The following COL4A1 variants were observed in gnomAD, a reference collection of about 807,000 sequenced individuals.
COL4A1 encodes collagen type IV alpha 1 chain, also known as collagen alpha-1(IV) chain.
COL4A1 carries 40 observed loss-of-function variants against 216.6 expected under a neutral mutation model. The observed-to-expected ratio is 0.18, with a 90% CI of 0.14 to 0.24. The LOEUF is 0.24. COL4A1 is among the 10% of genes least tolerant of loss of function. The pLI, the probability that COL4A1 is intolerant of heterozygous loss-of-function variation, is 1.00. For missense variants in COL4A1, 1,628 were observed against 2,196.8 expected, an observed-to-expected ratio of 0.74 and a Z score of 5.18; for synonymous variants, 839 against 810.7, an observed-to-expected ratio of 1.03 and a Z score of -0.59.
At chr13:110,182,269 A>G (rs957066488) in intron 28 of COL4A1, among the ~76,000 whole-genome samples, 8 of 152,146 alleles carry the variant, frequency 5.3e-5, no homozygotes, top group African/African-American at 1.9e-4. Flanking sequence ...TCTCCAAGCT[A>G]GCAGCCTACA....
At chr13:110,174,091 G>C (rs527269308) in intron 39 of COL4A1, 93 bp from the exon 40 acceptor site, 2 of 1,373,520 alleles carry the variant, frequency 1.5e-6, no homozygotes, top group Admixed American at 3.7e-5. Context: ...TCCTTTAAGG[G>C]AGCTGTTCCC....
intron 1 of COL4A1, among the ~76,000 whole-genome samples, chr13:110,272,021 G>A (rs765376055): frequency 6.6e-5 from 10 of 152,082 alleles, no homozygotes; most frequent in Non-Finnish European, 1.0e-4. Flanking sequence ...ATATTCAAGG[G>A]GTAAGATCAG....
At chr13:110,165,077 T>C in intron 45 of COL4A1, 87 bp from the exon 46 acceptor site, 1 of 1,547,846 alleles carries the variant, frequency 6.5e-7, no homozygotes, top group Non-Finnish European at 8.7e-7. Context: ...CGGGTGAAGC[T>C]ATCCAAATGG....
chr13:110,258,339 A>C (rs1594097745), intron 1 of COL4A1, among the ~76,000 whole-genome samples: 1 of 152,176 alleles, frequency 6.6e-6, no homozygotes, highest in Non-Finnish European at 1.5e-5. Context: ...GGAGTTCGAG[A>C]CCAGCCTGGC....
intron 43 of COL4A1, 134 bp downstream of exon 43, chr13:110,169,495 G>A (rs1036166096): frequency 1.3e-5 from 15 of 1,133,838 alleles, no homozygotes; most frequent in African/African-American, 2.2e-5. Flanking sequence ...ATGTGGGAGT[G>A]TAACACACAC....
chr13:110,270,356 AGAG>A (rs71800844), intron 1 of COL4A1, among the ~76,000 whole-genome samples: 4,782 of 152,324 alleles, frequency 0.031, 207 homozygotes, highest in East Asian at 0.22. Context: ...CATCTAATTA[AGAG>A]GAGAATTATT....
intron 2 of COL4A1, among the ~76,000 whole-genome samples, chr13:110,220,134 C>T (rs1453261506): frequency 1.3e-5 from 2 of 151,942 alleles, no homozygotes; most frequent in East Asian, 3.9e-4. Context: ...GACGGGGTTT[C>T]GCCATGTTGG....
At position 110,176,707 on chromosome 13, in the gene COL4A1, C is replaced by T; in HGVS notation, c.2887G>A (p.Gly963Ser). 6.2e-7 allele frequency: 1 copy of T among 1,614,134 alleles called. No homozygotes were observed. Among genetic ancestry groups the T allele is most frequent in the Non-Finnish European group, 8.5e-7 (1 of 1,179,972 alleles). ...GGGTCTCCTCGGGATCCCTTCTCAC[C>T]AATTGGTCCAATTTGTCCTACACAT... ...QGEKGQIGPIGEKGSRGDPGT... is the reference protein window; with the variant it reads ...QGEKGQIGPISEKGSRGDPGT... Residue 963 changes from glycine to serine, a missense_variant, in exon 35 of 52, where the codon GGT becomes AGT. Gly to Ser is a moderately conservative substitution (Grantham distance 56). Coordinates refer to ENST00000375820, the MANE Select transcript of COL4A1 (RefSeq NM_001845.6).
intron 1 of COL4A1, among the ~76,000 whole-genome samples, chr13:110,290,448 T>G (rs1187947427): frequency 6.6e-6 from 1 of 152,210 alleles, no homozygotes; most frequent in African/African-American, 2.4e-5. Context: ...CCACCATGCT[T>G]ACACTACACT....
rs374218206 is a variant in COL4A1 at position 110,174,558 on chromosome 13, A to G, written c.3326-32T>C. ...AAAAAAACAAAACACCAGAACATCC[A>G]TAAGTTTGGGCTTTTCTTTGATTTC... On this transcript the variant is annotated intron_variant, in intron 38 of 51. Transcript: ENST00000375820. 1.5e-5 allele frequency: 25 copies of G among 1,614,150 alleles called. No homozygotes were observed. In the African/African-American group the frequency reaches 2.4e-4, roughly 15 times the overall value.
intron 1 of COL4A1, among the ~76,000 whole-genome samples, chr13:110,253,785 G>A (rs548906856): frequency 7.3e-4 from 55 of 74,928 alleles, no homozygotes; most frequent in African/African-American, 2.1e-3. Context: ...TTATATATAC[G>A]TATAATTATA....
At chr13:110,276,796 G>A (rs1594110605) in intron 1 of COL4A1, among the ~76,000 whole-genome samples, 1 of 152,308 alleles carries the variant, frequency 6.6e-6, no homozygotes, top group South Asian at 2.1e-4. Context: ...AAACTCTGCA[G>A]TATAAAGATA....
Position 110,307,017 on chromosome 13 carries a change from C to A in COL4A1, c.11G>T (p.Arg4Leu). 1 of 1,467,562 alleles carries A rather than the reference C, an allele frequency of 6.8e-7. No homozygotes were observed. Among genetic ancestry groups the A allele is most frequent in the Admixed American group, 2.4e-5 (1 of 42,324 alleles). 90.9% of individuals were successfully genotyped at this position (1,467,562 alleles called of 1,614,324 possible). A position where few individuals can be genotyped will look rare whatever the true frequency, so the allele number is the denominator to read the frequency against. Residue 4 changes from arginine to leucine, a missense_variant, in exon 1 of 52, where the codon CGG becomes CTG. Physicochemically the swap from Arg to Leu is moderately radical, Grantham distance 102. Around this residue, in one of 8 missense-constraint regions of COL4A1, gnomAD observed 74 missense variants for 61.7 expected, o/e 1.20. Transcript: ENST00000375820. The surrounding 1 kb of genome is among the most constrained non-coding windows in gnomAD (Gnocchi z 5.0). ...CAGCAGCAGCAGCCAGACGCTGAGCCGGGGCCCCATGGTGGCGCGCCCGAG... is the reference window on the plus strand; with the variant it reads ...CAGCAGCAGCAGCCAGACGCTGAGCAGGGGCCCCATGGTGGCGCGCCCGAG... MGP[R>L]LSVWLLLLPA...
At chr13:110,278,556 CAT>C (rs1223633215) in intron 1 of COL4A1, among the ~76,000 whole-genome samples, 4 of 152,128 alleles carry the variant, frequency 2.6e-5, no homozygotes, top group Non-Finnish European at 5.9e-5. Flanking sequence ...TATATATACA[CAT>C]ATATACACAC....
At chr13:110,247,728 A>G (rs1881883014) in intron 1 of COL4A1, among the ~76,000 whole-genome samples, 1 of 150,514 alleles carries the variant, frequency 6.6e-6, no homozygotes, top group Admixed American at 6.7e-5. Flanking sequence ...AGGAAAGCTC[A>G]CTCATTCTGT....
chr13:110,219,782 G>A (rs1030511353), intron 2 of COL4A1, among the ~76,000 whole-genome samples: 19 of 120,918 alleles, frequency 1.6e-4, no homozygotes, highest in African/African-American at 1.4e-4. Context: ...ATATATATGC[G>A]TATATATGTG....
In COL4A1 at chr13:110,210,161, C is replaced by G. The variant is rs1879719919; in HGVS notation, c.520G>C (p.Glu174Gln). 1 of 1,613,954 alleles carries G rather than the reference C, an allele frequency of 6.2e-7. No individual in the cohort carries two copies. Among genetic ancestry groups the G allele is most frequent in the African/African-American group, 1.3e-5 (1 of 74,930 alleles). The change falls in exon 9 of 52, where the codon GAA becomes CAA. Residue 174 changes from glutamate to glutamine, a missense_variant. By Grantham distance (29) the Glu-to-Gln change is conservative. This residue lies in a region of COL4A1 where 150 missense variants were observed against 211.9 expected (regional missense o/e 0.71). Transcript: ENST00000375820. ...GHVPGMLLKG[E>Q]RGFPGIPGTP... Reference sequence around the variant, plus strand: ...CCTGGGATTCCGGGAAATCCTCTTTCACCTTTCAACAGCATCCCGGGCACA... The same window carrying G: ...CCTGGGATTCCGGGAAATCCTCTTTGACCTTTCAACAGCATCCCGGGCACA...
Position 110,179,254 on chromosome 13 carries a change from G to C in COL4A1, c.2344+17C>G. ...TCCTGTCCTCGAAACCCTCCAGACT[G>C]ATCTGCATGAAGTTACCTCTGATCC... is the stretch of plus-strand genomic sequence containing the variant. On this transcript the variant is annotated intron_variant, in intron 30 of 51. Coordinates refer to ENST00000375820, the MANE Select transcript of COL4A1 (RefSeq NM_001845.6). 1.6e-5 allele frequency: 26 copies of C among 1,614,040 alleles called. No individual in the cohort carries two copies. Among genetic ancestry groups the C allele is most frequent in the Non-Finnish European group, 2.2e-5 (26 of 1,179,972 alleles).
chr13:110,225,975 C>T (rs1880722047), intron 2 of COL4A1, among the ~76,000 whole-genome samples: 1 of 152,208 alleles, frequency 6.6e-6, no homozygotes, highest in South Asian at 2.1e-4. Flanking sequence ...ACAAATGGTT[C>T]TGAAAGAAAC....
Sources: gnomAD v4.1 joint callset for allele counts (sites outside exome capture counted in the v4.1 genomes callset) on GRCh38, gnomAD v4.1.1 for gene constraint, gnomAD v4.1.1 regional missense constraint, Gnocchi (gnomAD v3.1) non-coding constraint, MANE v1.5 for transcripts, NCBI Gene and HGNC (gene_info 2026-07-23, HGNC 2026-07-21) for gene names.